Variants in AGO3 observed in about 807,000 individuals in gnomAD.
The protein encoded by AGO3 is argonaute RISC catalytic component 3, also known as protein argonaute-3.
A neutral mutation model predicts 105.5 loss-of-function variants in AGO3; 16 were observed. The observed-to-expected ratio is 0.15, with a 90% CI of 0.10 to 0.23. AGO3 has a LOEUF of 0.23. AGO3 is among the 10% of genes least tolerant of loss of function. The pLI, the probability that AGO3 is intolerant of heterozygous loss-of-function variation, is 1.00. For missense variants in AGO3, 534 were observed against 1,088.0 expected (o/e 0.49, Z 7.16); for synonymous variants, 340 against 367.3 (o/e 0.93, Z 0.85).
intron 11 of AGO3, among the ~76,000 whole-genome samples, chr1:36,022,656 G>A (rs1329216048): frequency 3.3e-5 from 5 of 152,144 alleles, no homozygotes; most frequent in Non-Finnish European, 7.3e-5. Context: ...CATAGGCTGG[G>A]CGCAGTGGCT....
intron 11 of AGO3, among the ~76,000 whole-genome samples, chr1:36,015,998 G>T (rs920440508): frequency 1.3e-5 from 2 of 152,172 alleles, no homozygotes; most frequent in Admixed American, 1.3e-4. Context: ...AAGATTTATG[G>T]ACAGAAAAAG....
intron 11 of AGO3, among the ~76,000 whole-genome samples, chr1:36,017,788 A>G (rs1248570619): frequency 6.6e-6 from 1 of 151,982 alleles, no homozygotes; most frequent in Non-Finnish European, 1.5e-5. Context: ...CTGTGGTCCC[A>G]GCTACTCAGG....
chr1:35,961,918 A>G (rs899461310), intron 2 of AGO3, among the ~76,000 whole-genome samples: 3 of 152,196 alleles, frequency 2.0e-5, no homozygotes, highest in Non-Finnish European at 2.9e-5. Context: ...TGTTCTTATT[A>G]CAGTTGAAGT....
rs1642898369 is a variant in AGO3, at chr1:36,055,778, T to C, written c.*33T>C. On this transcript the variant is annotated 3_prime_UTR_variant, in exon 19 of 19. Transcript: ENST00000373191. The surrounding 1 kb of genome is among the most constrained non-coding windows in gnomAD (Gnocchi z 4.4). ...AAGTATATTCTCTGAGAGGAAGTAC[T>C]GAAAGATGAATTGACATACAACGTA... The C allele has an allele frequency of 6.2e-7, 1 of 1,601,532 alleles. No individual in the cohort carries two copies. The highest frequency in any genetic ancestry group is 2.2e-5 in the East Asian group (1 of 44,798).
intron 11 of AGO3, among the ~76,000 whole-genome samples, chr1:36,024,108 A>ATTATTT (rs1163313386): frequency 6.9e-6 from 1 of 143,918 alleles, no homozygotes; most frequent in African/African-American, 2.6e-5. Flanking sequence ...CTTCTTAGCC[A>ATTATTT]TTATTTTTCT....
intron 5 of AGO3, among the ~76,000 whole-genome samples, chr1:35,999,145 GAGTTTGAGACC>G (rs1350094837): frequency 6.6e-6 from 1 of 152,126 alleles, no homozygotes; most frequent in Non-Finnish European, 1.5e-5. Context: ...CTGAGGTCAG[GAGTTTGAGACC>G]AGCCTGGCCA....
At chr1:35,966,305 A>G (rs186735381) in intron 2 of AGO3, among the ~76,000 whole-genome samples, 73 of 152,344 alleles carry the variant, frequency 4.8e-4, no homozygotes, top group African/African-American at 1.7e-3. Context: ...AAATGTGTGT[A>G]CAAAAAATAC....
At position 36,056,188 on chromosome 1, in the gene AGO3, T is replaced by C. The variant is rs190878180; in HGVS notation, c.*443T>C. 6.4e-6 allele frequency: 1 copy of C among 156,186 alleles called. No homozygotes were observed. Among genetic ancestry groups the C allele is most frequent in the Non-Finnish European group, 1.4e-5 (1 of 70,106 alleles). The allele number at this position is 156,186 out of a possible 1,614,324, so 9.7% of individuals were successfully genotyped here. On this transcript the variant is annotated 3_prime_UTR_variant, in exon 19 of 19. Coordinates refer to ENST00000373191, the MANE Select transcript of AGO3 (RefSeq NM_024852.4). ...AAATTAATGTGCATTCATATATTCT[T>C]GTAAAAGGTGTCTGTGTATTTTTAA...
In AGO3 at chr1:36,043,463, A is replaced by G. The variant is rs907708076; in HGVS notation, c.2189A>G (p.Asn730Ser). The G allele has an allele frequency of 6.2e-7, 1 of 1,613,610 alleles. No homozygotes were observed. The highest frequency in any genetic ancestry group is 8.5e-7 in the Non-Finnish European group (1 of 1,179,866). ...CAAATCTAGGTTGGAAGAAGTGGCA[A>G]TATCCCAGCTGGAACAACAGTTGAT... ...DRTERVGRSG[N>S]IPAGTTVDTD... The change falls in exon 17 of 19, where the codon AAT (asparagine) becomes AGT (serine). Residue 730 changes from asparagine to serine, a missense_variant. Around this residue, in one of 2 missense-constraint regions of AGO3, gnomAD observed 373 missense variants for 854.0 expected, o/e 0.44. Transcript: ENST00000373191.
chr1:36,050,125 C>G (rs1370449072), intron 17 of AGO3, among the ~76,000 whole-genome samples: 2 of 152,204 alleles, frequency 1.3e-5, no homozygotes, highest in African/African-American at 4.8e-5. Flanking sequence ...ATTATTTTCT[C>G]AGCACATGGA....
intron 2 of AGO3, among the ~76,000 whole-genome samples, chr1:35,963,493 C>A (rs75859940): frequency 0.12 from 17,888 of 151,860 alleles, 2,789 homozygotes; most frequent in East Asian, 0.69. Context: ...AGAATAACTT[C>A]TTGGGAAGGG....
At chr1:35,991,268 T>C (rs1647622422) in intron 5 of AGO3, among the ~76,000 whole-genome samples, 1 of 152,056 alleles carries the variant, frequency 6.6e-6, no homozygotes, top group Non-Finnish European at 1.5e-5. Flanking sequence ...GCACCCAGCT[T>C]GGGCGACAGA....
chr1:35,943,730 A>G (rs1300736188), intron 1 of AGO3, among the ~76,000 whole-genome samples: 1 of 150,492 alleles, frequency 6.6e-6, no homozygotes, highest in African/African-American at 2.5e-5. Context: ...CAGTCTTCTG[A>G]GTAGCTGGGA....
At chr1:35,997,317 GTTTAT>G (rs1325940707) in intron 5 of AGO3, among the ~76,000 whole-genome samples, 2 of 152,044 alleles carry the variant, frequency 1.3e-5, no homozygotes, top group Non-Finnish European at 2.9e-5. Context: ...TAGTTTGGCA[GTTTAT>G]TTTAAAGTTA....
chr1:35,958,270 A>T (rs1162738698), intron 2 of AGO3, among the ~76,000 whole-genome samples: 1 of 151,752 alleles, frequency 6.6e-6, no homozygotes, highest in Non-Finnish European at 1.5e-5. Flanking sequence ...AATCCCAGCT[A>T]CCCAGGAGGC....
At chr1:35,953,034 G>A (rs141461637) in intron 2 of AGO3, among the ~76,000 whole-genome samples, 5 of 152,264 alleles carry the variant, frequency 3.3e-5, no homozygotes, top group Admixed American at 6.5e-5. Flanking sequence ...AGGATTTTGT[G>A]TGGACATACA....
intron 5 of AGO3, among the ~76,000 whole-genome samples, chr1:36,002,054 C>T (rs1198469586): frequency 6.6e-6 from 1 of 152,154 alleles, no homozygotes; most frequent in African/African-American, 2.4e-5. Flanking sequence ...ATGTCTTGCT[C>T]TGTCACCCAG....
intron 2 of AGO3, among the ~76,000 whole-genome samples, chr1:35,958,405 C>T (rs1646613091): frequency 6.6e-6 from 1 of 151,114 alleles, no homozygotes; most frequent in Non-Finnish European, 1.5e-5. Context: ...AATTTTTGTT[C>T]TACCCAGCAC....
At chr1:36,042,144 G>A (rs774720012) in intron 16 of AGO3, among the ~76,000 whole-genome samples, 1 of 152,096 alleles carries the variant, frequency 6.6e-6, no homozygotes, top group African/African-American at 2.4e-5. Context: ...GAGTGCAGTG[G>A]CATGACTTTG....
Sources: allele counts gnomAD v4.1 joint callset (sites outside exome capture counted in the v4.1 genomes callset), GRCh38; gene constraint gnomAD v4.1.1; regional missense constraint gnomAD v4.1.1; non-coding constraint Gnocchi (gnomAD v3.1); transcripts MANE v1.5; gene names NCBI Gene and HGNC (gene_info 2026-07-23, HGNC 2026-07-21).